The following PPM1H variants were observed in gnomAD, a reference collection of about 807,000 sequenced individuals.
PPM1H encodes protein phosphatase, Mg2+/Mn2+ dependent 1H.
A neutral mutation model predicts 54.9 loss-of-function variants in PPM1H; 27 were observed. That is an observed-to-expected ratio of 0.49 (90% CI 0.36 to 0.68). The LOEUF (loss-of-function observed/expected upper bound fraction) is 0.68. Among genes scored for constraint, PPM1H ranks in the 30% least tolerant of loss-of-function variants. The pLI, the probability that PPM1H is intolerant of heterozygous loss-of-function variation, is 0.00. For missense variants in PPM1H, 596 were observed against 667.8 expected (o/e 0.89, Z 1.19); for synonymous variants, 305 against 270.8 (o/e 1.13, Z -1.24).
intron 4 of PPM1H, among the ~76,000 whole-genome samples, chr12:62,773,602 A>C (rs2076591575): frequency 6.6e-6 from 1 of 152,212 alleles, no homozygotes; most frequent in East Asian, 1.9e-4. Context: ...ACATGCAGCC[A>C]CTAAACCATG....
chr12:62,907,586 C>T (rs1871337140), intron 1 of PPM1H, among the ~76,000 whole-genome samples: 1 of 152,162 alleles, frequency 6.6e-6, no homozygotes, highest in Admixed American at 6.5e-5. Context: ...AAAAAAGCAA[C>T]ATAAAAATGT....
rs555726254 is a variant in PPM1H at position 62,680,795 on chromosome 12, G to C, written c.1245+8904C>G. ...TGTTCTGCAAAGCCTCTAAGTTTTGGAGGAGGTTTGTTTTGTAACCAAAAA... is the reference window on the plus strand; with the variant it reads ...TGTTCTGCAAAGCCTCTAAGTTTTGCAGGAGGTTTGTTTTGTAACCAAAAA... On this transcript the variant is annotated intron_variant, in intron 8 of 9. Coordinates refer to ENST00000228705, the MANE Select transcript of PPM1H (RefSeq NM_020700.2). Among the ~76,000 whole-genome samples, 18 of 152,308 alleles carry C rather than the reference G, an allele frequency of 1.2e-4. No individual in the cohort carries two copies. The South Asian group carries it at 1.2e-3, about 11-fold the overall frequency.
intron 3 of PPM1H, among the ~76,000 whole-genome samples, chr12:62,800,383 C>T (rs188081392): frequency 6.6e-6 from 1 of 151,944 alleles, no homozygotes; most frequent in African/African-American, 2.4e-5. Flanking sequence ...GTTGCCCAGG[C>T]TGGAGTGCAG....
Position 62,650,193 on chromosome 12 carries a change from G to A in PPM1H, c.1398-1557C>T, listed in dbSNP as rs989036420. The stretch of plus-strand genomic sequence containing the variant: ...GATCCCAGGATTGTGAAGATTCCAA[G>A]TTGTTCAGTCTTTGAGGATCAAGTC... On this transcript the variant is annotated intron_variant, in intron 9 of 9. Transcript: ENST00000228705. Among the ~76,000 whole-genome samples, 6 of 152,210 alleles carry A rather than the reference G, an allele frequency of 3.9e-5. No individual in the cohort carries two copies. In the East Asian group the frequency reaches 1.2e-3, roughly 29 times the overall value.
At chr12:62,700,109 A>G (rs1341139698) in intron 6 of PPM1H, among the ~76,000 whole-genome samples, 1 of 151,700 alleles carries the variant, frequency 6.6e-6, no homozygotes, top group East Asian at 1.9e-4. Flanking sequence ...ACCTGCCCCG[A>G]TGACTTCAGC....
At chr12:62,924,092 CTCA>C (rs1871890505) in intron 1 of PPM1H, among the ~76,000 whole-genome samples, 1 of 152,078 alleles carries the variant, frequency 6.6e-6, no homozygotes, top group South Asian at 2.1e-4. Context: ...AGTTAATAAC[CTCA>C]TGTCAGTCTT....
intron 1 of PPM1H, among the ~76,000 whole-genome samples, chr12:62,845,137 T>C (rs1687340040): frequency 6.6e-6 from 1 of 152,190 alleles, no homozygotes; most frequent in South Asian, 2.1e-4. Context: ...AAAAGACTAC[T>C]GCAAAGGAGG....
intron 4 of PPM1H, among the ~76,000 whole-genome samples, chr12:62,738,505 G>A (rs931541215): frequency 1.3e-5 from 2 of 152,170 alleles, no homozygotes; most frequent in Non-Finnish European, 2.9e-5. Context: ...GAGGCTGCAG[G>A]ATCGATAACC....
intron 2 of PPM1H, among the ~76,000 whole-genome samples, chr12:62,819,840 T>G (rs1430137884): frequency 6.6e-6 from 1 of 152,196 alleles, no homozygotes; most frequent in Admixed American, 6.5e-5. Context: ...AGCTCTGGTG[T>G]GCAGCTCCCA....
rs1258743616 is a variant in PPM1H, at chr12:62,890,753, CACAT to C, written c.245+43735_245+43738del. Among the ~76,000 whole-genome samples, 213 of 137,594 alleles carry C rather than the reference CACAT, an allele frequency of 1.5e-3. 1 individual carries two copies. Among genetic ancestry groups the C allele is most frequent in the East Asian group, 5.1e-3 (24 of 4,684 alleles). The allele number at this position is 137,594 out of a possible 152,430, so 90.3% of individuals were successfully genotyped here. A position where few individuals can be genotyped will look rare whatever the true frequency, so the allele number is the denominator to read the frequency against. The stretch of plus-strand genomic sequence containing the variant: ...ACACACACACACACACACACACACA[CACAT>C]ATATATATATGAATGAAACAGCAAG... On this transcript the variant is annotated intron_variant, in intron 1 of 9. Transcript: ENST00000228705.
In PPM1H at chr12:62,647,259, CAG is replaced by C. The variant is rs2075791174; in HGVS notation, c.*1228_*1229del. On this transcript the variant is annotated 3_prime_UTR_variant, in exon 10 of 10. Transcript: ENST00000228705. ...ATGATTCTTTAGAGAAGAGAAGAGA[CAG>C]GGAGCACAGCATGAGAATGGCCAGT... 6.6e-6 allele frequency: 1 copy of C among 152,220 alleles called. No homozygotes were observed. Among genetic ancestry groups the C allele is most frequent in the Non-Finnish European group, 1.5e-5 (1 of 68,048 alleles). 9.4% of individuals were successfully genotyped at this position (152,220 alleles called of 1,614,324 possible).
chr12:62,850,414 A>G (rs1439823789), intron 1 of PPM1H, among the ~76,000 whole-genome samples: 1 of 151,984 alleles, frequency 6.6e-6, no homozygotes, highest in Non-Finnish European at 1.5e-5. Flanking sequence ...ATTAAATAAA[A>G]ATTTTTGAAA....
chr12:62,698,634 G>GA (rs1175459622), intron 6 of PPM1H, among the ~76,000 whole-genome samples: 1 of 151,140 alleles, frequency 6.6e-6, no homozygotes, highest in African/African-American at 2.4e-5. Flanking sequence ...GTCCAAATAA[G>GA]AAAAAAAATT....
intron 5 of PPM1H, among the ~76,000 whole-genome samples, chr12:62,731,046 T>C (rs1053391075): frequency 6.6e-6 from 1 of 152,218 alleles, no homozygotes; most frequent in Non-Finnish European, 1.5e-5. Context: ...CTTGTATATA[T>C]AAGCTATTAC....
intron 4 of PPM1H, among the ~76,000 whole-genome samples, chr12:62,766,176 T>C (rs1194301478): frequency 1.3e-5 from 2 of 152,086 alleles, no homozygotes; most frequent in Admixed American, 1.3e-4. Flanking sequence ...CAGGGTAAAT[T>C]ATCCTAGGTT....
At chr12:62,815,286 GGATAT>G (rs977931731) in intron 2 of PPM1H, among the ~76,000 whole-genome samples, 21 of 152,040 alleles carry the variant, frequency 1.4e-4, no homozygotes, top group African/African-American at 5.1e-4. Flanking sequence ...TTCCTTCTCA[GGATAT>G]GACAATATGA....
intron 4 of PPM1H, among the ~76,000 whole-genome samples, chr12:62,765,322 T>A (rs2076535289): frequency 6.6e-6 from 1 of 152,202 alleles, no homozygotes; most frequent in African/African-American, 2.4e-5. Context: ...AATGCCTCTA[T>A]GTGCTGGGCA....
intron 1 of PPM1H, among the ~76,000 whole-genome samples, chr12:62,906,317 C>T (rs1185694200): frequency 6.6e-6 from 1 of 152,182 alleles, no homozygotes; most frequent in Non-Finnish European, 1.5e-5. Flanking sequence ...ACCACCATGG[C>T]ATTGGTATTT....
At chr12:62,805,633 A>C (rs2076801640) in intron 2 of PPM1H, among the ~76,000 whole-genome samples, 1 of 152,230 alleles carries the variant, frequency 6.6e-6, no homozygotes, top group Admixed American at 6.5e-5. Context: ...TCATATGTGG[A>C]ATCTAAAAAA....
Sources: gnomAD v4.1 joint callset for allele counts (sites outside exome capture counted in the v4.1 genomes callset) on GRCh38, gnomAD v4.1.1 for gene constraint, MANE v1.5 for transcripts, NCBI Gene and HGNC (gene_info 2026-07-23, HGNC 2026-07-21) for gene names.